Variants in ROBO1 observed in about 807,000 individuals in gnomAD.
ROBO1 encodes roundabout guidance receptor 1.
ROBO1 carries 149 observed loss-of-function variants against 195.9 expected under a neutral mutation model. The observed-to-expected ratio is 0.76, with a 90% CI of 0.67 to 0.87. The LOEUF (loss-of-function observed/expected upper bound fraction) is 0.87, where lower values mean the gene tolerates loss of function less well. Among genes scored for constraint, ROBO1 ranks in the 40% least tolerant of loss-of-function variants. The probability of loss-of-function intolerance (pLI) is 0.00; values close to 1 mark genes in which losing one functional copy is unlikely to be tolerated. For synonymous variants in ROBO1, 816 were observed against 733.2 expected, an observed-to-expected ratio of 1.11 and a Z score of -1.82; for missense variants, 1,933 against 2,068.3, an observed-to-expected ratio of 0.93 and a Z score of 1.27.
rs538696416 is a variant in ROBO1, at chr3:78,881,077, G to A, written c.499+57524C>T. On this transcript the variant is annotated intron_variant, in intron 4 of 30. Transcript: ENST00000464233. ...ACAATTTCATATTGTCAACAGATGC[G>A]GGGATGCTGCTTATTCAGCTCAGTA... Among the ~76,000 whole-genome samples the A allele has an allele frequency of 1.6e-4, 25 of 152,252 alleles. No individual in the cohort carries two copies. The South Asian group carries it at 3.9e-3, about 24-fold the overall frequency.
intron 5 of ROBO1, among the ~76,000 whole-genome samples, chr3:78,718,441 T>C (rs1402633005): frequency 6.6e-6 from 1 of 152,144 alleles, no homozygotes; most frequent in Non-Finnish European, 1.5e-5. Context: ...GTGATGTTGC[T>C]GCCACCCAAG....
At chr3:78,838,809 T>C (rs2032954526) in intron 4 of ROBO1, among the ~76,000 whole-genome samples, 1 of 152,146 alleles carries the variant, frequency 6.6e-6, no homozygotes, top group Non-Finnish European at 1.5e-5. Context: ...CTTAGACATG[T>C]CTTTGCTCAA....
intron 2 of ROBO1, among the ~76,000 whole-genome samples, chr3:79,205,379 A>G (rs534207307): frequency 1.8e-4 from 27 of 152,228 alleles, no homozygotes; most frequent in African/African-American, 6.0e-4. Flanking sequence ...AAGATTTTGG[A>G]TCAAATAATT....
chr3:78,636,931 C>A (rs1705538092), intron 22 of ROBO1, among the ~76,000 whole-genome samples: 2 of 57,352 alleles, frequency 3.5e-5, no homozygotes, highest in African/African-American at 1.2e-4. Flanking sequence ...TATATACATT[C>A]ATTTTATATA....
rs148460127 is a variant in ROBO1, at chr3:78,993,018, T to C, written c.173-54091A>G. 6.7e-3 allele frequency among the ~76,000 whole-genome samples: 1,019 copies of C among 152,266 alleles called. 6 individuals are homozygous for C. The highest frequency in any genetic ancestry group is 0.017 in the Middle Eastern group (5 of 294). On this transcript the variant is annotated intron_variant, in intron 3 of 30. Coordinates refer to ENST00000464233, the MANE Select transcript of ROBO1 (RefSeq NM_002941.4). The stretch of plus-strand genomic sequence containing the variant: ...AAAGCTGAACAATATTTTCTCTAAG[T>C]ATTTCACAACACTGAGCCAGACTTT...
At chr3:79,167,955 C>G (rs901428301) in intron 2 of ROBO1, among the ~76,000 whole-genome samples, 1 of 152,182 alleles carries the variant, frequency 6.6e-6, no homozygotes, top group African/African-American at 2.4e-5. Context: ...AGAATGGTCA[C>G]TGTCAGATGA....
intron 2 of ROBO1, among the ~76,000 whole-genome samples, chr3:79,299,475 T>C (rs1032519399): frequency 2.0e-5 from 3 of 152,196 alleles, no homozygotes; most frequent in Non-Finnish European, 4.4e-5. Context: ...TCGTTTATTA[T>C]ATAAATAAGC....
intron 2 of ROBO1, among the ~76,000 whole-genome samples, chr3:79,509,888 G>A (rs571573126): frequency 4.6e-5 from 7 of 151,900 alleles, no homozygotes; most frequent in South Asian, 2.1e-4. Context: ...ATTGTCAGGC[G>A]TACTTACCAG....
chr3:79,708,938 A>AT (rs893858987), intron 1 of ROBO1, among the ~76,000 whole-genome samples: 147 of 151,502 alleles, frequency 9.7e-4, no homozygotes, highest in African/African-American at 1.9e-3. Context: ...GGTTTTTTGT[A>AT]TTTTTTTTTC....
intron 2 of ROBO1, among the ~76,000 whole-genome samples, chr3:79,580,610 G>A (rs962821636): frequency 5.9e-5 from 9 of 151,966 alleles, no homozygotes; most frequent in African/African-American, 2.2e-4. Flanking sequence ...TTAACTAGAT[G>A]TATATAAGGA....
chr3:79,220,978 A>C (rs1239237745), intron 2 of ROBO1, among the ~76,000 whole-genome samples: 1 of 151,954 alleles, frequency 6.6e-6, no homozygotes, highest in Non-Finnish European at 1.5e-5. Context: ...CCACAACCTT[A>C]ACCCTGTAGT....
intron 1 of ROBO1, among the ~76,000 whole-genome samples, chr3:79,659,514 A>C (rs2106813772): frequency 6.6e-6 from 1 of 152,198 alleles, no homozygotes; most frequent in Non-Finnish European, 1.5e-5. Context: ...TTATTGGATA[A>C]GACTCATTAG....
intron 14 of ROBO1, among the ~76,000 whole-genome samples, chr3:78,665,007 T>C (rs2107686480): frequency 6.6e-6 from 1 of 152,338 alleles, no homozygotes; most frequent in Non-Finnish European, 1.5e-5. Context: ...CGGCAGTCTC[T>C]TAAAATGTTA....
At chr3:79,685,502 C>T (rs1160969034) in intron 1 of ROBO1, among the ~76,000 whole-genome samples, 1 of 152,168 alleles carries the variant, frequency 6.6e-6, no homozygotes, top group Admixed American at 6.6e-5. Context: ...CATGTGATGA[C>T]TTTGCCTTTG....
At position 78,714,396 on chromosome 3, in the gene ROBO1, C is replaced by T. The variant is rs370835915; in HGVS notation, c.1045+1G>A. 6.2e-7 allele frequency: 1 copy of T among 1,610,724 alleles called. No homozygotes were observed. Among genetic ancestry groups the T allele is most frequent in the Non-Finnish European group, 8.5e-7 (1 of 1,178,600 alleles). On this transcript the variant is annotated splice_donor_variant, in intron 8 of 30. Transcript: ENST00000464233. LOFTEE classifies it high-confidence loss of function. ...AAAACAAAGCCTTTCCCAATGCCTA[C>T]CTTGAACAGTCAGAGTAGCAGATGC...
chr3:79,650,295 T>G (rs1156271770), intron 1 of ROBO1, among the ~76,000 whole-genome samples: 1 of 151,604 alleles, frequency 6.6e-6, no homozygotes, highest in African/African-American at 2.4e-5. Context: ...ATTTAAAAAC[T>G]TTGTCAATGA....
At chr3:79,248,833 C>T (rs1407122719) in intron 2 of ROBO1, among the ~76,000 whole-genome samples, 3 of 152,058 alleles carry the variant, frequency 2.0e-5, no homozygotes, top group Non-Finnish European at 4.4e-5. Flanking sequence ...TGGATCTTAG[C>T]CCATCCCTAG....
chr3:79,373,137 A>G (rs2036258824), intron 2 of ROBO1, among the ~76,000 whole-genome samples: 1 of 152,220 alleles, frequency 6.6e-6, no homozygotes, highest in African/African-American at 2.4e-5. Flanking sequence ...ACTAAGCTTT[A>G]GGTTTACTTA....
chr3:78,928,662 G>C (rs1025341138), intron 4 of ROBO1, among the ~76,000 whole-genome samples: 8 of 152,056 alleles, frequency 5.3e-5, no homozygotes, highest in African/African-American at 1.9e-4. Context: ...CTTCCCAGGG[G>C]TGGTCCCAAA....
Sources: allele counts gnomAD v4.1 joint callset (sites outside exome capture counted in the v4.1 genomes callset), GRCh38; gene constraint gnomAD v4.1.1; transcripts MANE v1.5; gene names NCBI Gene and HGNC (gene_info 2026-07-23, HGNC 2026-07-21).